Variants in FGF1 observed in about 807,000 individuals in gnomAD.
FGF1 encodes the protein beta-endothelial cell growth factor.
Under a neutral mutation model 13.4 loss-of-function variants are expected in FGF1, and 9 were observed. That is an observed-to-expected ratio of 0.67 (90% CI 0.40 to 1.17). The LOEUF (loss-of-function observed/expected upper bound fraction) is 1.17. Ranked by LOEUF, FGF1 falls within the 50% of genes most tolerant of loss-of-function variation. FGF1 has a pLI of 0.01. For missense variants in FGF1, 156 were observed against 192.7 expected (o/e 0.81, Z 1.13); for synonymous variants, 93 against 79.0 (o/e 1.18, Z -0.94).
At chr5:142,598,637 AC>A (rs961782085) in intron 3 of FGF1, among the ~76,000 whole-genome samples, 4 of 152,196 alleles carry the variant, frequency 2.6e-5, no homozygotes, top group African/African-American at 9.7e-5. Context: ...TCCTTTCCAC[AC>A]ACACAAGTTT....
chr5:142,626,999 T>A (rs1324855315), intron 1 of FGF1: 1 of 152,192 alleles, frequency 6.6e-6, no homozygotes, highest in Non-Finnish European at 1.5e-5. Context: ...AGAGCTCTGA[T>A]CTCATCACGT....
intron 1 of FGF1, among the ~76,000 whole-genome samples, chr5:142,617,270 C>T (rs1372879083): frequency 6.6e-6 from 1 of 152,044 alleles, no homozygotes; most frequent in African/African-American, 2.4e-5. Flanking sequence ...GAGGCTGAGG[C>T]AGGAGAATGG....
In FGF1 at chr5:142,634,241, AG is replaced by A. The variant is rs560472418; in HGVS notation, c.-34-20081del. Among the ~76,000 whole-genome samples, 165 of 152,012 alleles carry A rather than the reference AG, an allele frequency of 1.1e-3. 1 individual carries two copies. Among genetic ancestry groups the A allele is most frequent in the African/African-American group, 3.9e-3 (160 of 41,432 alleles). On this transcript the variant is annotated intron_variant, in intron 1 of 3. Coordinates refer to ENST00000337706, the MANE Select transcript of FGF1 (RefSeq NM_000800.5). Reference sequence around the variant, plus strand: ...CCCTCTAGTGAAATCACCTCTCTAAAGTTTTATGTGTGCTCCTTTTATCCAC... The same window carrying A: ...CCCTCTAGTGAAATCACCTCTCTAAATTTTATGTGTGCTCCTTTTATCCAC...
At chr5:142,684,019 T>A (rs1418325194) in intron 1 of FGF1, among the ~76,000 whole-genome samples, 1 of 152,174 alleles carries the variant, frequency 6.6e-6, no homozygotes, top group African/African-American at 2.4e-5. Context: ...TTTCACCACT[T>A]TACTTTCTTA....
chr5:142,686,746 CG>C (rs774330772), upstream of FGF1, among the ~76,000 whole-genome samples: 10 of 152,116 alleles, frequency 6.6e-5, no homozygotes, highest in Non-Finnish European at 1.3e-4. Flanking sequence ...CGAAGTCAAT[CG>C]AGGCAAAAGC....
At chr5:142,601,497 G>A (rs565198678) in intron 2 of FGF1, among the ~76,000 whole-genome samples, 6 of 152,240 alleles carry the variant, frequency 3.9e-5, no homozygotes, top group African/African-American at 1.4e-4. Flanking sequence ...TCTGATGGGG[G>A]GAGAATGAAG....
intron 1 of FGF1, among the ~76,000 whole-genome samples, chr5:142,672,356 T>C (rs1771633569): frequency 6.6e-6 from 1 of 152,118 alleles, no homozygotes; most frequent in Non-Finnish European, 1.5e-5. Context: ...ATTAAACAAA[T>C]AGATGTTGAG....
intron 1 of FGF1, among the ~76,000 whole-genome samples, chr5:142,672,284 T>C (rs1771620083): frequency 6.6e-6 from 1 of 152,192 alleles, no homozygotes; most frequent in African/African-American, 2.4e-5. Flanking sequence ...TAATGAGATC[T>C]ATTACTTTAG....
chr5:142,620,915 C>T (rs1033292970), intron 1 of FGF1, among the ~76,000 whole-genome samples: 1 of 152,200 alleles, frequency 6.6e-6, no homozygotes, highest in African/African-American at 2.4e-5. Context: ...AGAAATCACT[C>T]CCACCTGTTC....
chr5:142,695,587 G>GAAAAAAAAAA (rs70991777), intron 2 of FGF1, among the ~76,000 whole-genome samples: 1 of 115,300 alleles, frequency 8.7e-6, no homozygotes, highest in African/African-American at 2.8e-5. Context: ...GTATCAAAAA[G>GAAAAAAAAAA]AAAAAAAAAA....
At position 142,595,145 on chromosome 5, in the gene FGF1, G is replaced by A. The variant is rs1021458937; in HGVS notation, c.*145C>T. Reference sequence around the variant, plus strand: ...AAAGGCTCTGCAAAGAAGTGAACTGGGCATTTAGAAGCAAGTTGCTTACAA... The same window carrying A: ...AAAGGCTCTGCAAAGAAGTGAACTGAGCATTTAGAAGCAAGTTGCTTACAA... On this transcript the variant is annotated 3_prime_UTR_variant, in exon 4 of 4. Coordinates refer to ENST00000337706, the MANE Select transcript of FGF1 (RefSeq NM_000800.5). 1.6e-6 allele frequency: 1 copy of A among 643,456 alleles called. No individual in the cohort carries two copies. The highest frequency in any genetic ancestry group is 2.7e-6 in the Non-Finnish European group (1 of 370,406). The allele number at this position is 643,456 out of a possible 1,614,324, so 39.9% of individuals were successfully genotyped here.
At chr5:142,620,373 G>C (rs546188730) in intron 1 of FGF1, among the ~76,000 whole-genome samples, 2 of 152,054 alleles carry the variant, frequency 1.3e-5, no homozygotes, top group East Asian at 3.9e-4. Context: ...AGCTGAGATC[G>C]CGCCACTGCA....
intron 1 of FGF1, among the ~76,000 whole-genome samples, chr5:142,662,834 T>A (rs963814555): frequency 6.6e-6 from 1 of 151,508 alleles, no homozygotes; most frequent in Non-Finnish European, 1.5e-5. Flanking sequence ...AAATTGTAAT[T>A]TTTTTTTTGA....
upstream of FGF1, among the ~76,000 whole-genome samples, chr5:142,688,699 AG>A (rs1751657427): frequency 6.6e-6 from 1 of 152,250 alleles, no homozygotes; most frequent in Non-Finnish European, 1.5e-5. Context: ...ACAGGTTTGG[AG>A]GACCAAAAAA....
chr5:142,619,851 G>GA (rs150910782), intron 1 of FGF1, among the ~76,000 whole-genome samples: 42,787 of 136,376 alleles, frequency 0.31, 6,964 homozygotes, highest in Non-Finnish European at 0.4. Flanking sequence ...ACCAAAAAAC[G>GA]AAAAAAAAAC....
chr5:142,669,411 C>T (rs1771021614), intron 1 of FGF1, among the ~76,000 whole-genome samples: 2 of 152,120 alleles, frequency 1.3e-5, no homozygotes, highest in Non-Finnish European at 2.9e-5. Flanking sequence ...CCAGCACAGC[C>T]CCTGGGGCTC....
intron 2 of FGF1, among the ~76,000 whole-genome samples, chr5:142,697,049 C>T (rs1225601474): frequency 6.6e-6 from 1 of 151,922 alleles, no homozygotes; most frequent in Non-Finnish European, 1.5e-5. Flanking sequence ...AGCAATTTTC[C>T]CCAAACCCCT....
intron 1 of FGF1, among the ~76,000 whole-genome samples, chr5:142,614,946 C>G (rs562986141): frequency 1.4e-4 from 21 of 152,206 alleles, no homozygotes; most frequent in African/African-American, 5.1e-4. Flanking sequence ...CTGTTTTCAT[C>G]CTAGCTATTT....
rs148219300 is a variant in FGF1, at chr5:142,672,386, C to T, written c.-35+13571G>A. On this transcript the variant is annotated intron_variant, in intron 1 of 3. Coordinates refer to ENST00000337706, the MANE Select transcript of FGF1 (RefSeq NM_000800.5). ...GTTGAGCATCCACTCCACCAAGTACCAGGCACTGTATATTCAAAACAATAA... is the reference window on the plus strand; with the variant it reads ...GTTGAGCATCCACTCCACCAAGTACTAGGCACTGTATATTCAAAACAATAA... 8.3e-4 allele frequency among the ~76,000 whole-genome samples: 127 copies of T among 152,160 alleles called. 1 individual carries two copies. Among genetic ancestry groups the T allele is most frequent in the African/African-American group, 2.8e-3 (116 of 41,514 alleles).
Sources: gnomAD v4.1 joint callset for allele counts (sites outside exome capture counted in the v4.1 genomes callset) on GRCh38, gnomAD v4.1.1 for gene constraint, MANE v1.5 for transcripts, NCBI Gene and HGNC (gene_info 2026-07-23, HGNC 2026-07-21) for gene names.